Variants in QTGAL observed in about 807,000 individuals in gnomAD.
QTGAL encodes the protein BGnT-like protein 1.
the QTGAL span, among the ~76,000 whole-genome samples, chr17:82,991,894 G>A: frequency 2.5e-4 from 38 of 152,014 alleles, no homozygotes; most frequent in African/African-American, 8.9e-4. Flanking sequence ...AGAAATTCTG[G>A]AGCTGAAAAA....
the QTGAL span, among the ~76,000 whole-genome samples, chr17:82,975,142 C>T: frequency 2.0e-3 from 100 of 50,744 alleles, no homozygotes; most frequent in Middle Eastern, 0.015. Context: ...TCCCAGGGGC[C>T]GGAGGCCACT....
the QTGAL span, chr17:82,960,980 A>C: frequency 1.3e-6 from 2 of 1,516,236 alleles, no homozygotes; most frequent in East Asian, 4.9e-5. Context: ...CGGCCCCACC[A>C]ACCCCGGCCC....
chr17:82,956,647 G>A, the QTGAL span: 3 of 1,494,646 alleles, frequency 2.0e-6, no homozygotes, highest in African/African-American at 2.8e-5. The surrounding 1 kb of genome is among the most constrained non-coding windows in gnomAD (Gnocchi z 5.7). Flanking sequence ...CCAGGTGGCA[G>A]AGCCCGGGAT....
At chr17:83,045,556 C>T in the QTGAL span, among the ~76,000 whole-genome samples, 1 of 152,102 alleles carries the variant, frequency 6.6e-6, no homozygotes, top group African/African-American at 2.4e-5. Context: ...GCACACGCCA[C>T]AAAAGAAATA....
the QTGAL span, among the ~76,000 whole-genome samples, chr17:83,040,765 T>C: frequency 1.3e-5 from 2 of 152,060 alleles, no homozygotes; most frequent in African/African-American, 2.4e-5. Flanking sequence ...GAAAAAAAGT[T>C]TGAAAAAATA....
At chr17:82,970,184 G>A in the QTGAL span, among the ~76,000 whole-genome samples, 11 of 152,168 alleles carry the variant, frequency 7.2e-5, no homozygotes, top group South Asian at 2.1e-3. Context: ...AGGGGGTCCT[G>A]GAAGCCAGGC....
the QTGAL span, among the ~76,000 whole-genome samples, chr17:83,046,698 A>T: frequency 1.3e-5 from 2 of 152,370 alleles, no homozygotes; most frequent in East Asian, 3.9e-4. Context: ...GAATTACAAT[A>T]TGAGCCAGAA....
chr17:83,022,004 G>C, the QTGAL span, among the ~76,000 whole-genome samples: 1 of 152,056 alleles, frequency 6.6e-6, no homozygotes. Context: ...CCAGGAAAAA[G>C]AATCCTCAGC....
chr17:82,970,363 G>A, the QTGAL span, among the ~76,000 whole-genome samples: 1 of 152,250 alleles, frequency 6.6e-6, no homozygotes, highest in Non-Finnish European at 1.5e-5. Flanking sequence ...CGGATTTCAC[G>A]ATTACAAAGC....
the QTGAL span, chr17:83,048,380 G>A: frequency 8.5e-7 from 1 of 1,173,172 alleles, no homozygotes; most frequent in Non-Finnish European, 1.3e-6. Flanking sequence ...GATACTTTTT[G>A]TCAGTATTTG....
chr17:83,023,404 C>T, the QTGAL span, among the ~76,000 whole-genome samples: 68 of 149,210 alleles, frequency 4.6e-4, 2 homozygotes, highest in East Asian at 3.7e-3. Context: ...GGCTGCTCTC[C>T]GCTGTTTTCT....
the QTGAL span, among the ~76,000 whole-genome samples, chr17:82,974,828 C>T: frequency 1.3e-5 from 2 of 152,242 alleles, no homozygotes. Context: ...ACGGCGCAGA[C>T]AGGCACAGGT....
the QTGAL span, among the ~76,000 whole-genome samples, chr17:82,975,969 G>A: frequency 4.6e-5 from 3 of 65,190 alleles, no homozygotes; most frequent in Non-Finnish European, 5.5e-5. Context: ...TCAGGGCCCC[G>A]GGACAGAGCC....
the QTGAL span, chr17:82,942,509 C>G: frequency 1.2e-6 from 2 of 1,613,522 alleles, no homozygotes; most frequent in African/African-American, 1.3e-5. Flanking sequence ...GTGAGGATGT[C>G]TTGTTCCTGA....
At chr17:83,017,601 G>A in the QTGAL span, among the ~76,000 whole-genome samples, 12 of 152,302 alleles carry the variant, frequency 7.9e-5, no homozygotes, top group East Asian at 3.9e-4. Context: ...CAGCCTGGGC[G>A]ACAGAGAGAG....
At chr17:83,027,505 T>C in the QTGAL span, among the ~76,000 whole-genome samples, 1 of 152,012 alleles carries the variant, frequency 6.6e-6, no homozygotes, top group Non-Finnish European at 1.5e-5. Flanking sequence ...AAGTTGGACT[T>C]CACTGATGTT....
At chr17:83,032,475 G>A in the QTGAL span, among the ~76,000 whole-genome samples, 58 of 82,766 alleles carry the variant, frequency 7.0e-4, 3 homozygotes, top group Middle Eastern at 4.7e-3. Context: ...ACCAGGCCAG[G>A]CCTCCGACGC....
chr17:83,032,137 C>T, the QTGAL span, among the ~76,000 whole-genome samples: 1 of 131,788 alleles, frequency 7.6e-6, no homozygotes, highest in African/African-American at 3.4e-5. Flanking sequence ...AGCTGAACAA[C>T]GGGTCAGACC....
chr17:82,943,637 CTG>C, the QTGAL span: 1 of 152,250 alleles, frequency 6.6e-6, no homozygotes, highest in African/African-American at 2.4e-5. Flanking sequence ...AAGACCAGGA[CTG>C]TGACAGTCCG....
Sources: gnomAD v4.1 joint callset for allele counts (sites outside exome capture counted in the v4.1 genomes callset) on GRCh38, gnomAD v4.1.1 for gene constraint, Gnocchi (gnomAD v3.1) non-coding constraint, MANE v1.5 for transcripts, NCBI Gene and HGNC (gene_info 2026-07-23, HGNC 2026-07-21) for gene names.